WWC1: variants seen among roughly 807,000 people sequenced by gnomAD.
The protein encoded by WWC1 is WW and C2 domain containing 1.
In WWC1, 55 loss-of-function variants were observed where a neutral mutation model predicts 138.4. The ratio of observed to expected loss-of-function variants is 0.40; its 90% CI spans 0.32 to 0.50. The LOEUF is 0.50. Ranked by LOEUF, WWC1 falls within the 20% of genes least tolerant of loss-of-function variation. The pLI is 0.72. For synonymous variants in WWC1, 524 were observed against 564.9 expected (o/e 0.93, Z 1.03); for missense variants, 1,226 against 1,420.4 (o/e 0.86, Z 2.20).
chr5:168,454,010 A>G lies in WWC1; in HGVS notation c.2568A>G (p.Glu856=), dbSNP rs535790456. 6.3e-7 allele frequency: 1 copy of G among 1,594,778 alleles called. No individual in the cohort carries two copies. The highest frequency in any genetic ancestry group is 2.3e-5 in the East Asian group (1 of 43,862). ...ETSENEAVAE[E]EEEEVEEEEG... ...GTGAGAATGAGGCAGTAGCCGAGGA[A>G]GAGGAGGAGGAGGTGGAGGAGGAGG... Residue 856 remains glutamate (E), a synonymous_variant, in exon 18 of 23, where the codon GAA becomes GAG. Coordinates refer to ENST00000265293, the MANE Select transcript of WWC1 (RefSeq NM_015238.3).
rs1775064347 is a variant in WWC1 at position 168,352,605 on chromosome 5, A to G, written c.120-18819A>G. Among the ~76,000 whole-genome samples, 3 of 147,044 alleles carry G rather than the reference A, an allele frequency of 2.0e-5. No homozygotes were observed. The South Asian group carries it at 6.4e-4, about 31-fold the overall frequency. On this transcript the variant is annotated intron_variant, in intron 1 of 22. Coordinates refer to ENST00000265293, the MANE Select transcript of WWC1 (RefSeq NM_015238.3). The stretch of plus-strand genomic sequence containing the variant: ...TATATAATTTTTTTTTTTTTTTGAG[A>G]TGGAGTCTTACTCTGTCACCCAGGC...
At chr5:168,442,331 G>A (rs574162562) in intron 16 of WWC1, among the ~76,000 whole-genome samples, 6 of 151,420 alleles carry the variant, frequency 4.0e-5, no homozygotes, top group Admixed American at 1.3e-4. Context: ...GGATGGGCAC[G>A]GAGCCTCATG....
Position 168,328,671 on chromosome 5 carries a change from C to T in WWC1, c.119+36400C>T, listed in dbSNP as rs552313707. Among the ~76,000 whole-genome samples, 202 of 152,186 alleles carry T rather than the reference C, an allele frequency of 1.3e-3. 2 individuals carry two copies. The highest frequency in any genetic ancestry group is 1.7e-3 in the Non-Finnish European group (116 of 67,996). ...AAGCAATTCTTCTGCCTCAGCCTCC[C>T]GAACAGCTGGGACTACAAGCATGCC... On this transcript the variant is annotated intron_variant, in intron 1 of 22. Transcript: ENST00000265293.
intron 8 of WWC1, among the ~76,000 whole-genome samples, chr5:168,410,907 C>G (rs372022245): frequency 4.8e-5 from 7 of 146,898 alleles, no homozygotes; most frequent in African/African-American, 1.8e-4. Flanking sequence ...CCTGGACAAT[C>G]TGTCTTTAAG....
chr5:168,365,555 C>T (rs947775056), intron 1 of WWC1, among the ~76,000 whole-genome samples: 14 of 152,146 alleles, frequency 9.2e-5, no homozygotes, highest in African/African-American at 3.4e-4. Flanking sequence ...GTCAGAATGC[C>T]GAATGCCCAC....
At chr5:168,386,023 T>C (rs984352631) in intron 3 of WWC1, among the ~76,000 whole-genome samples, 1 of 151,908 alleles carries the variant, frequency 6.6e-6, no homozygotes, top group Admixed American at 6.6e-5. Flanking sequence ...TCTGTTTCCC[T>C]ACCCCACCCT....
rs534809813 is a variant in WWC1 at position 168,313,292 on chromosome 5, T to C, written c.119+21021T>C. 1.2e-4 allele frequency among the ~76,000 whole-genome samples: 19 copies of C among 152,112 alleles called. 1 individual carries two copies. The highest frequency in any genetic ancestry group is 4.3e-4 in the African/African-American group (18 of 41,518). On this transcript the variant is annotated intron_variant, in intron 1 of 22. Coordinates refer to ENST00000265293, the MANE Select transcript of WWC1 (RefSeq NM_015238.3). ...CACGTCAGCATTGCCTGGGAGTTTA[T>C]TAGAAATGCAGAATCCCAGCCGGGC...
chr5:168,468,805 ATC>A, intron 22 of WWC1, 144 bp from the exon 23 acceptor site: 1 of 719,962 alleles, frequency 1.4e-6, no homozygotes, highest in Non-Finnish European at 2.3e-6. Context: ...TACAGCCAGC[ATC>A]TAGAGGGTAA....
At chr5:168,456,303 TA>T (rs67370902) in intron 19 of WWC1, among the ~76,000 whole-genome samples, 2,100 of 149,068 alleles carry the variant, frequency 0.014, 22 homozygotes, top group Non-Finnish European at 0.022. Flanking sequence ...GACCCTATCT[TA>T]AAAAAAAAAT....
chr5:168,447,401 C>T (rs976161942), intron 17 of WWC1, among the ~76,000 whole-genome samples: 2 of 152,208 alleles, frequency 1.3e-5, no homozygotes, highest in African/African-American at 4.8e-5. Context: ...ATCCCCTCAC[C>T]TCTGCTGTTG....
intron 9 of WWC1, among the ~76,000 whole-genome samples, chr5:168,418,012 CAT>C (rs1272281982): frequency 1.3e-5 from 2 of 152,190 alleles, no homozygotes; most frequent in African/African-American, 4.8e-5. Flanking sequence ...CTTTGTTTCT[CAT>C]GTGTGTGTAT....
Position 168,351,535 on chromosome 5 carries a change from T to C in WWC1, c.120-19889T>C, listed in dbSNP as rs573337838. ...GAGCAGGATACAAATGAAAGTGCCA[T>C]GAGTTAGGATATGATGGAAGGAGGG... On this transcript the variant is annotated intron_variant, in intron 1 of 22. Coordinates refer to ENST00000265293, the MANE Select transcript of WWC1 (RefSeq NM_015238.3). Among the ~76,000 whole-genome samples, 25 of 152,148 alleles carry C rather than the reference T, an allele frequency of 1.6e-4. No individual in the cohort carries two copies. In the East Asian group the frequency reaches 2.9e-3, roughly 18 times the overall value.
At chr5:168,433,096 C>T (rs1025178899) in intron 15 of WWC1, among the ~76,000 whole-genome samples, 16 of 152,258 alleles carry the variant, frequency 1.1e-4, no homozygotes, top group African/African-American at 3.9e-4. Flanking sequence ...GCTGTGTCTC[C>T]TCACAGTCTT....
rs140228581 is a variant in WWC1, at chr5:168,371,531, C to T, written c.227C>T (p.Thr76Ile). ...QVGDYFIDHN[T>I]KTTQIEDPRV... ...GGAGATTACTTCATAGACCACAACA[C>T]CAGTAAGTTCCCGACGGTCCTCCCT... is the stretch of plus-strand genomic sequence containing the variant. Residue 76 changes from threonine to isoleucine, a missense_variant and splice_region_variant, in exon 2 of 23, where the codon ACC becomes ATC. Coordinates refer to ENST00000265293, the MANE Select transcript of WWC1 (RefSeq NM_015238.3). 1 of 1,611,026 alleles carries T rather than the reference C, an allele frequency of 6.2e-7. No homozygotes were observed. The highest frequency in any genetic ancestry group is 8.5e-7 in the Non-Finnish European group (1 of 1,177,316).
intron 17 of WWC1, among the ~76,000 whole-genome samples, chr5:168,446,521 T>G (rs1755281951): frequency 6.6e-6 from 1 of 152,212 alleles, no homozygotes; most frequent in Non-Finnish European, 1.5e-5. Flanking sequence ...TCTATTGCAG[T>G]GTAAAATACA....
intron 1 of WWC1, among the ~76,000 whole-genome samples, chr5:168,328,236 C>T (rs1772727542): frequency 6.6e-6 from 1 of 152,138 alleles, no homozygotes; most frequent in South Asian, 2.1e-4. Flanking sequence ...CCTCACTGGG[C>T]CGTCATAGAG....
chr5:168,418,145 A>G (rs1359706307), intron 9 of WWC1, among the ~76,000 whole-genome samples: 1 of 152,176 alleles, frequency 6.6e-6, no homozygotes, highest in East Asian at 1.9e-4. Context: ...CTCACATTCA[A>G]GGTGCCTTTG....
intron 19 of WWC1, among the ~76,000 whole-genome samples, chr5:168,458,623 T>C (rs892524118): frequency 6.6e-6 from 1 of 152,206 alleles, no homozygotes; most frequent in African/African-American, 2.4e-5. Context: ...TGATTGACTT[T>C]GACCAAATAG....
At chr5:168,468,564 G>A (rs189353727) in intron 22 of WWC1, among the ~76,000 whole-genome samples, 2 of 152,270 alleles carry the variant, frequency 1.3e-5, no homozygotes, top group East Asian at 1.9e-4. Context: ...CTATCTTTGG[G>A]CATCTCTTAA....
Sources: gnomAD v4.1 joint callset for allele counts (sites outside exome capture counted in the v4.1 genomes callset) on GRCh38, gnomAD v4.1.1 for gene constraint, MANE v1.5 for transcripts, NCBI Gene and HGNC (gene_info 2026-07-23, HGNC 2026-07-21) for gene names.